C16orf46: variants seen among roughly 807,000 people sequenced by gnomAD.
C16orf46 encodes the protein chromosome 16 open reading frame 46, also known as uncharacterized protein C16orf46.
In C16orf46, 7 loss-of-function variants were observed where a neutral mutation model predicts 5.5. That is an observed-to-expected ratio of 1.28 (90% CI 0.73 to 2.40). The LOEUF (loss-of-function observed/expected upper bound fraction) is 2.40, where lower values mean the gene tolerates loss of function less well. C16orf46 is among the 30% of genes most tolerant of loss of function. The pLI, the probability that C16orf46 is intolerant of heterozygous loss-of-function variation, is 0.00. For missense variants in C16orf46, 614 were observed against 476.0 expected, an observed-to-expected ratio of 1.29 and a Z score of -2.70; for synonymous variants, 200 against 184.1, an observed-to-expected ratio of 1.09 and a Z score of -0.70.
At chr16:81,059,656 G>A (rs1053046254), downstream of C16orf46, among the ~76,000 whole-genome samples, 19 of 152,156 alleles carry the variant, frequency 1.2e-4, no homozygotes, top group Non-Finnish European at 2.8e-4. Context: ...GTGGAGGAAG[G>A]ACAGAGGGAG....
intron 2 of C16orf46, among the ~76,000 whole-genome samples, chr16:81,065,633 A>T (rs1220176945): frequency 1.3e-5 from 2 of 152,148 alleles, no homozygotes; most frequent in African/African-American, 4.8e-5. Context: ...CTTCTCAAGA[A>T]GTTCCTTGCT....
chr16:81,055,145 A>T (rs923307217), intron 3 of C16orf46, among the ~76,000 whole-genome samples: 4 of 152,168 alleles, frequency 2.6e-5, no homozygotes, highest in African/African-American at 9.7e-5. Flanking sequence ...ATTAAAATAG[A>T]CTCATGAATA....
intron 2 of C16orf46, among the ~76,000 whole-genome samples, chr16:81,064,722 G>C (rs1289737809): frequency 2.7e-5 from 4 of 148,548 alleles, no homozygotes; most frequent in Non-Finnish European, 4.4e-5. Flanking sequence ...ACTCCAGCCT[G>C]GGCAACAGAG....
chr16:81,062,359 C>T lies in C16orf46; in HGVS notation c.211-221G>A, dbSNP rs1971512847. ...AAAGCATGAAAAAGTGTAATACCTA[C>T]TTTCACCGCTATAAAGCAATAACAG... On this transcript the variant is annotated intron_variant, in intron 3 of 3. Coordinates refer to ENST00000299578, the MANE Select transcript of C16orf46 (RefSeq NM_152337.3). Among the ~76,000 whole-genome samples the T allele has an allele frequency of 5.9e-5, 9 of 152,040 alleles. No homozygotes were observed. The South Asian group carries it at 1.7e-3, about 28-fold the overall frequency.
At chr16:81,053,722 C>T (rs1597131707) in exon 4 of C16orf46, 1 of 198,968 alleles carries the variant, frequency 5.0e-6, no homozygotes, top group East Asian at 1.2e-4. Context: ...CTCTTTTTAA[C>T]ATCAGTGAAA....
chr16:81,062,437 A>T (rs1369288237), intron 3 of C16orf46, among the ~76,000 whole-genome samples: 1 of 152,246 alleles, frequency 6.6e-6, no homozygotes, highest in East Asian at 1.9e-4. Flanking sequence ...ATTTGTTAAT[A>T]CTAAAACACT....
At chr16:81,076,794 C>T (rs1273539034) in intron 1 of C16orf46, 1 of 152,360 alleles carries the variant, frequency 6.6e-6, no homozygotes, top group East Asian at 1.9e-4. Flanking sequence ...GCCTTTTTTC[C>T]TCATCTAGCT....
intron 1 of C16orf46, among the ~76,000 whole-genome samples, chr16:81,072,427 C>T (rs573289546): frequency 6.6e-6 from 1 of 152,098 alleles, no homozygotes; most frequent in South Asian, 2.1e-4. Context: ...CTCTTGTTGC[C>T]CAGGCTGGAG....
intron 1 of C16orf46, among the ~76,000 whole-genome samples, chr16:81,071,813 G>A (rs564602260): frequency 3.3e-5 from 5 of 152,262 alleles, no homozygotes; most frequent in Non-Finnish European, 7.4e-5. Context: ...TCTTATAAAT[G>A]AGAAAAAAAA....
chr16:81,064,020 G>T lies in C16orf46; in HGVS notation c.-38-27C>A. On this transcript the variant is annotated intron_variant, in intron 2 of 3. Coordinates refer to ENST00000299578, the MANE Select transcript of C16orf46 (RefSeq NM_152337.3). ...TGTTTAAAAACATGAATGGAACTTC[G>T]TTTTTAATATTAATTTTTTTTTAAA... 4 of 1,200,264 alleles carry T rather than the reference G, an allele frequency of 3.3e-6. No homozygotes were observed. In the South Asian group the frequency reaches 4.3e-5, roughly 13 times the overall value. 74.4% of individuals were successfully genotyped at this position (1,200,264 alleles called of 1,614,324 possible). A position where few individuals can be genotyped will look rare whatever the true frequency, so the allele number is the denominator to read the frequency against.
rs1244500311 is a variant in C16orf46 at position 81,061,641 on chromosome 16, T to C, written c.708A>G (p.Ser236=). 1.9e-6 allele frequency: 3 copies of C among 1,614,212 alleles called. No homozygotes were observed. Among genetic ancestry groups the C allele is most frequent in the South Asian group, 1.1e-5 (1 of 91,088 alleles). The change falls in exon 4 of 4, where the codon TCA becomes TCG. Residue 236 remains serine, a synonymous_variant. Coordinates refer to ENST00000299578, the MANE Select transcript of C16orf46 (RefSeq NM_152337.3). ...GKKSKNSFLQ[S]EEKVLDVEKD... ...TTTCCACATCCAGCACCTTCTCTTC[T>C]GACTGCAAGAAAGAGTTCTTACTCT...
downstream of C16orf46, among the ~76,000 whole-genome samples, chr16:81,059,056 TA>T (rs1288346882): frequency 1.3e-5 from 2 of 151,980 alleles, no homozygotes; most frequent in Non-Finnish European, 2.9e-5. Flanking sequence ...CTTGGATTCT[TA>T]TTTATTTATT....
chr16:81,053,820 T>C (rs902895579), exon 4 of C16orf46: 3 of 419,176 alleles, frequency 7.2e-6, no homozygotes, highest in Non-Finnish European at 1.3e-5. Context: ...ATATATTATA[T>C]TACCTCTGCA....
At position 81,061,631 on chromosome 16, in the gene C16orf46, CCTTCT is replaced by C. The variant is rs1971479921; in HGVS notation, c.713_717del (p.Glu238GlyfsTer24). 3.7e-6 allele frequency: 6 copies of C among 1,614,198 alleles called. No individual in the cohort carries two copies. The East Asian group carries it at 1.3e-4, about 36-fold the overall frequency. On this transcript the variant is annotated frameshift_variant, in exon 4 of 4. Transcript: ENST00000299578. LOFTEE classifies it low-confidence loss of function (END_TRUNC). ...CACCCATCCTTTTCCACATCCAGCA[CCTTCT>C]CTTCTGACTGCAAGAAAGAGTTCTT...
chr16:81,071,341 C>G (rs1051890238), intron 1 of C16orf46, among the ~76,000 whole-genome samples: 1 of 151,782 alleles, frequency 6.6e-6, no homozygotes, highest in African/African-American at 2.4e-5. Flanking sequence ...AGGCTAAATG[C>G]CAGAGAAGAA....
chr16:81,055,314 G>T (rs1386155799), intron 3 of C16orf46: 1 of 152,098 alleles, frequency 6.6e-6, no homozygotes, highest in African/African-American at 2.4e-5. Context: ...AAAAATAAAG[G>T]CTTAGTGAAC....
intron 1 of C16orf46, 65 bp from the exon 2 acceptor site, chr16:81,066,346 A>G (rs1327901537): frequency 6.6e-6 from 1 of 152,022 alleles, no homozygotes; most frequent in Admixed American, 6.5e-5. Flanking sequence ...TTCTCTAAAC[A>G]TACTATCAAG....
At chr16:81,056,171 C>T (rs970276152), downstream of C16orf46, 7 of 152,210 alleles carry the variant, frequency 4.6e-5, no homozygotes, top group Admixed American at 6.5e-5. Context: ...TTCATATTTA[C>T]GCCTGTTCAG....
rs1011140370 is a variant in C16orf46, at chr16:81,077,227, T to G, written c.-219A>C. On this transcript the variant is annotated 5_prime_UTR_variant, in exon 1 of 4. Coordinates refer to ENST00000299578, the MANE Select transcript of C16orf46 (RefSeq NM_152337.3). ...GGTCGCTGCCGGATGGGCCGTTGCC[T>G]TGGGTTACGACCACGCTGGGGGCGG... The G allele has an allele frequency of 6.6e-6, 1 of 152,314 alleles. No homozygotes were observed. Among genetic ancestry groups the G allele is most frequent in the South Asian group, 2.1e-4 (1 of 4,826 alleles). The allele number at this position is 152,314 out of a possible 1,614,324, so 9.4% of individuals were successfully genotyped here.
Sources: allele counts gnomAD v4.1 joint callset (sites outside exome capture counted in the v4.1 genomes callset), GRCh38; gene constraint gnomAD v4.1.1; transcripts MANE v1.5; gene names NCBI Gene and HGNC (gene_info 2026-07-23, HGNC 2026-07-21).